The following SPTBN1 variants were observed in gnomAD, a reference collection of about 807,000 sequenced individuals.
The protein encoded by SPTBN1 is spectrin beta chain, non-erythrocytic 1.
SPTBN1 carries 32 observed loss-of-function variants against 266.4 expected under a neutral mutation model. The ratio of observed to expected loss-of-function variants is 0.12; its 90% CI spans 0.09 to 0.16. SPTBN1 has a LOEUF of 0.16. Among genes scored for constraint, SPTBN1 ranks in the 10% least tolerant of loss-of-function variants. SPTBN1 has a pLI of 1.00. For synonymous variants in SPTBN1, 1,336 were observed against 1,162.2 expected, an observed-to-expected ratio of 1.15 and a Z score of -3.04; for missense variants, 2,296 against 3,067.1, an observed-to-expected ratio of 0.75 and a Z score of 5.94.
intron 2 of SPTBN1, among the ~76,000 whole-genome samples, chr2:54,576,760 C>A (rs552467038): frequency 6.6e-6 from 1 of 152,336 alleles, no homozygotes; most frequent in Middle Eastern, 3.4e-3. Context: ...AGGTGAGCAG[C>A]TTACAGTGCT....
At chr2:54,555,510 G>A (rs1437355935) in intron 2 of SPTBN1, among the ~76,000 whole-genome samples, 2 of 152,078 alleles carry the variant, frequency 1.3e-5, no homozygotes, top group Admixed American at 6.6e-5. Flanking sequence ...TCATTTGATT[G>A]CTCCTTTGAC....
At chr2:54,599,380 C>A in intron 3 of SPTBN1, 137 bp downstream of exon 3, 1 of 1,031,242 alleles carries the variant, frequency 9.7e-7, no homozygotes, top group Non-Finnish European at 1.4e-6. Flanking sequence ...GTGAGTTGAG[C>A]GCTTCAGGGA....
chr2:54,468,718 T>G (rs1232319076), intron 1 of SPTBN1, among the ~76,000 whole-genome samples: 2 of 152,270 alleles, frequency 1.3e-5, no homozygotes, highest in African/African-American at 4.8e-5. Context: ...CTTTTTACAA[T>G]GGAAAAATAC....
chr2:54,600,719 T>G (rs1335013104), intron 3 of SPTBN1, among the ~76,000 whole-genome samples: 1 of 151,588 alleles, frequency 6.6e-6, no homozygotes, highest in Admixed American at 6.6e-5. Context: ...TATTGATTTT[T>G]TTTTTTTTTT....
chr2:54,524,218 A>G (rs1353255327), intron 1 of SPTBN1, among the ~76,000 whole-genome samples: 1 of 151,956 alleles, frequency 6.6e-6, no homozygotes, highest in Non-Finnish European at 1.5e-5. Flanking sequence ...AATGTTGATA[A>G]TTTATTTTTT....
intron 1 of SPTBN1, among the ~76,000 whole-genome samples, chr2:54,457,518 C>T (rs1447194134): frequency 6.6e-6 from 1 of 152,170 alleles, no homozygotes; most frequent in Non-Finnish European, 1.5e-5. Flanking sequence ...TGTGGGGGTG[C>T]TTCGGCGGAG....
At chr2:54,652,695 C>T (rs184329933) in intron 26 of SPTBN1, 5 of 152,340 alleles carry the variant, frequency 3.3e-5, no homozygotes, top group Non-Finnish European at 7.3e-5. Flanking sequence ...TGTTACACTC[C>T]TGTCTACAGA....
chr2:54,538,339 A>G (rs1262767838), intron 2 of SPTBN1, among the ~76,000 whole-genome samples: 1 of 152,238 alleles, frequency 6.6e-6, no homozygotes, highest in African/African-American at 2.4e-5. Flanking sequence ...TCAAGAACCA[A>G]GCATCACTCT....
In SPTBN1 at chr2:54,670,569, T is replaced by C. The variant is rs1242771867; in HGVS notation, c.*2000T>C. Reference sequence around the variant, plus strand: ...TCAGGGTTGGAATCAAGTTGTTCTATTCTCAACAGACCAAAATGTTTAGTT... The same window carrying C: ...TCAGGGTTGGAATCAAGTTGTTCTACTCTCAACAGACCAAAATGTTTAGTT... On this transcript the variant is annotated 3_prime_UTR_variant, in exon 36 of 36. Transcript: ENST00000356805. The C allele has an allele frequency of 5.0e-6, 2 of 397,440 alleles. No individual in the cohort carries two copies. The highest frequency in any genetic ancestry group is 4.1e-5 in the African/African-American group (2 of 48,640). The allele number at this position is 397,440 out of a possible 1,614,324, so 24.6% of individuals were successfully genotyped here.
chr2:54,456,658 G>C (rs1693048295), intron 1 of SPTBN1, 140 bp downstream of exon 1: 1 of 151,114 alleles, frequency 6.6e-6, no homozygotes, highest in African/African-American at 2.4e-5. Context: ...CTGCGCCCGG[G>C]GAGCCGCGTG....
At chr2:54,591,566 C>T (rs1191835808) in intron 2 of SPTBN1, among the ~76,000 whole-genome samples, 1 of 152,188 alleles carries the variant, frequency 6.6e-6, no homozygotes, top group Non-Finnish European at 1.5e-5. Context: ...TAAATTCAGT[C>T]TTTAGGGGAA....
At chr2:54,484,793 A>G (rs1008855561) in intron 1 of SPTBN1, among the ~76,000 whole-genome samples, 1 of 152,190 alleles carries the variant, frequency 6.6e-6, no homozygotes, top group Non-Finnish European at 1.5e-5. Context: ...AGCTCCCAGA[A>G]AGGCGCAATG....
chr2:54,479,752 T>C (rs893930154), intron 1 of SPTBN1, among the ~76,000 whole-genome samples: 4 of 152,242 alleles, frequency 2.6e-5, no homozygotes, highest in Non-Finnish European at 4.4e-5. Flanking sequence ...AGCTATTCAA[T>C]AGTTGTAGCT....
At chr2:54,617,956 AT>A in intron 6 of SPTBN1, 121 bp from the exon 7 acceptor site, 2 of 770,386 alleles carry the variant, frequency 2.6e-6, no homozygotes, top group Non-Finnish European at 4.2e-6. Context: ...ATGATAGTAT[AT>A]TTTAGAGTTT....
chr2:54,521,431 C>T (rs1009750399), intron 1 of SPTBN1, among the ~76,000 whole-genome samples: 3 of 152,172 alleles, frequency 2.0e-5, no homozygotes, highest in Non-Finnish European at 4.4e-5. Context: ...TGTCTTTGAA[C>T]AGATGGAGAA....
intron 1 of SPTBN1, among the ~76,000 whole-genome samples, chr2:54,503,693 A>G (rs1669395925): frequency 6.6e-6 from 1 of 152,242 alleles, no homozygotes; most frequent in Non-Finnish European, 1.5e-5. Context: ...TATTAAAAAC[A>G]TATACCCATT....
intron 26 of SPTBN1, 65 bp downstream of exon 26, chr2:54,650,054 C>G: frequency 3.3e-6 from 5 of 1,523,692 alleles, no homozygotes; most frequent in African/African-American, 2.8e-5. Context: ...CTTTGGGCAT[C>G]TGTAAGTATC....
intron 2 of SPTBN1, among the ~76,000 whole-genome samples, chr2:54,552,576 C>CCT (rs1672640086): frequency 6.6e-6 from 1 of 152,064 alleles, no homozygotes; most frequent in African/African-American, 2.4e-5. Flanking sequence ...CCTGCCTCAG[C>CCT]CTCCTGAGTA....
chr2:54,545,762 A>C (rs1430693197), intron 2 of SPTBN1, among the ~76,000 whole-genome samples: 1 of 152,060 alleles, frequency 6.6e-6, no homozygotes, highest in Non-Finnish European at 1.5e-5. Context: ...CCTTATCTGA[A>C]AAACAAGGGG....
Sources: allele counts gnomAD v4.1 joint callset (sites outside exome capture counted in the v4.1 genomes callset), GRCh38; gene constraint gnomAD v4.1.1; transcripts MANE v1.5; gene names NCBI Gene and HGNC (gene_info 2026-07-23, HGNC 2026-07-21).